Variants in RYR2 observed in about 807,000 individuals in gnomAD.
The protein encoded by RYR2 is ryanodine receptor 2, also known as cardiac muscle ryanodine receptor-calcium release channel.
Under a neutral mutation model 601.1 loss-of-function variants are expected in RYR2, and 227 were observed. The ratio of observed to expected loss-of-function variants is 0.38; its 90% CI spans 0.34 to 0.42. The LOEUF (loss-of-function observed/expected upper bound fraction) is 0.42, where lower values mean the gene tolerates loss of function less well. Ranked by LOEUF, RYR2 falls within the 10% of genes least tolerant of loss-of-function variation. The pLI is 1.00. For synonymous variants in RYR2, 2,223 were observed against 2,175.1 expected (o/e 1.02, Z -0.61); for missense variants, 4,646 against 6,156.5 (o/e 0.75, Z 8.21).
At chr1:237,236,788 G>A (rs939522884) in intron 1 of RYR2, among the ~76,000 whole-genome samples, 2 of 152,150 alleles carry the variant, frequency 1.3e-5, no homozygotes, top group African/African-American at 4.8e-5. Flanking sequence ...ATATCATGTT[G>A]AGGAATTATC....
chr1:237,057,416 A>C (rs2148208213), intron 1 of RYR2, among the ~76,000 whole-genome samples: 1 of 152,120 alleles, frequency 6.6e-6, no homozygotes, highest in South Asian at 2.1e-4. Context: ...CGATCTCCTG[A>C]CCTTGTGATC....
chr1:237,645,801 T>G (rs1682062211), intron 48 of RYR2, among the ~76,000 whole-genome samples: 1 of 152,160 alleles, frequency 6.6e-6, no homozygotes, highest in African/African-American at 2.4e-5. Context: ...TGTTTGTGAA[T>G]TTTGTATCAG....
chr1:237,668,013 T>C, intron 58 of RYR2, 55 bp downstream of exon 58: 1 of 1,363,362 alleles, frequency 7.3e-7, no homozygotes, highest in Non-Finnish European at 1.0e-6. Flanking sequence ...ATTCCATGAG[T>C]GTATGGATGA....
Position 237,783,790 on chromosome 1 carries a change from G to T in RYR2, c.12078G>T (p.Leu4026Phe). ...ACATGTTCTTAAAACTAAAGGATTTGACGTCGTCTGATACTTTTAAAGAAT... is the reference window on the plus strand; with the variant it reads ...ACATGTTCTTAAAACTAAAGGATTTTACGTCGTCTGATACTTTTAAAGAAT... Reference protein sequence around the residue: ...FFDMFLKLKDLTSSDTFKEYD... With the variant: ...FFDMFLKLKDFTSSDTFKEYD... The change falls in exon 90 of 105, where the codon TTG becomes TTT. Residue 4026 changes from leucine (L) to phenylalanine (F), a missense_variant. Leu to Phe is a conservative substitution (Grantham distance 22). Around this residue, in one of 17 missense-constraint regions of RYR2, gnomAD observed 66 missense variants for 80.7 expected, o/e 0.82. Transcript: ENST00000366574. The T allele has an allele frequency of 6.2e-7, 1 of 1,613,478 alleles. No homozygotes were observed. The highest frequency in any genetic ancestry group is 8.5e-7 in the Non-Finnish European group (1 of 1,179,682).
intron 1 of RYR2, among the ~76,000 whole-genome samples, chr1:237,176,242 G>GAAAAAA (rs143853577): frequency 1.4e-5 from 2 of 140,218 alleles, no homozygotes; most frequent in Non-Finnish European, 1.5e-5. Flanking sequence ...GTCTCTTAAT[G>GAAAAAA]AAAAAAATAT....
intron 1 of RYR2, among the ~76,000 whole-genome samples, chr1:237,125,719 A>T (rs1031383752): frequency 5.3e-5 from 8 of 152,264 alleles, no homozygotes; most frequent in Non-Finnish European, 1.2e-4. Flanking sequence ...ACAAACATGT[A>T]TCATAAAATA....
chr1:237,042,315 CCCCGCGCCTCGACCA>C lies in RYR2; in HGVS notation c.-198_-184del. ...TCCCGCACAGTGCGGAGCAGGGAGG[CCCCGCGCCTCGACCA>C]CCCGCGCCCGAGCGTCCGCGCCTCC... is the stretch of plus-strand genomic sequence containing the variant. On this transcript the variant is annotated 5_prime_UTR_variant, in exon 1 of 105. Coordinates refer to ENST00000366574, the MANE Select transcript of RYR2 (RefSeq NM_001035.3). 7.4e-6 allele frequency: 2 copies of C among 270,716 alleles called. No homozygotes were observed. The highest frequency in any genetic ancestry group is 1.3e-5 in the Non-Finnish European group (2 of 151,622). 16.8% of individuals were successfully genotyped at this position (270,716 alleles called of 1,614,324 possible).
At chr1:237,358,527 G>A (rs1699494526) in intron 4 of RYR2, among the ~76,000 whole-genome samples, 1 of 151,996 alleles carries the variant, frequency 6.6e-6, no homozygotes, top group African/African-American at 2.4e-5. Flanking sequence ...GTCTTTCGGG[G>A]AGCTTCTATC....
chr1:237,663,796 A>G (rs1254943953), intron 56 of RYR2, among the ~76,000 whole-genome samples: 3 of 152,242 alleles, frequency 2.0e-5, no homozygotes, highest in East Asian at 3.8e-4. Context: ...CATGAATACC[A>G]CAGGAAGACA....
At chr1:237,741,199 C>T (rs1378675750) in intron 79 of RYR2, among the ~76,000 whole-genome samples, 1 of 152,106 alleles carries the variant, frequency 6.6e-6, no homozygotes, top group African/African-American at 2.4e-5. Context: ...TCATGATAAA[C>T]AGAAAGGGTA....
intron 10 of RYR2, among the ~76,000 whole-genome samples, chr1:237,416,295 G>C (rs1704973414): frequency 6.6e-6 from 1 of 152,166 alleles, no homozygotes. Context: ...ACCCTATAGA[G>C]AGGAAGACAG....
chr1:237,174,400 C>A (rs1677779426), intron 1 of RYR2, among the ~76,000 whole-genome samples: 1 of 152,172 alleles, frequency 6.6e-6, no homozygotes, highest in Non-Finnish European at 1.5e-5. Context: ...TGTGCTAGAG[C>A]ATCATCCTTA....
intron 58 of RYR2, 75 bp from the exon 59 acceptor site, chr1:237,674,021 C>T: frequency 8.3e-7 from 1 of 1,198,514 alleles, no homozygotes; most frequent in Non-Finnish European, 1.2e-6. Context: ...TAGTGTGGTC[C>T]AATTATATAT....
At chr1:237,393,732 G>A (rs1702580952) in intron 10 of RYR2, among the ~76,000 whole-genome samples, 1 of 152,204 alleles carries the variant, frequency 6.6e-6, no homozygotes, top group South Asian at 2.1e-4. Context: ...GCTACTTTCT[G>A]CTCTTTGCCT....
At chr1:237,417,197 C>A in intron 11 of RYR2, 74 bp downstream of exon 11, 1 of 1,157,652 alleles carries the variant, frequency 8.6e-7, no homozygotes, top group Non-Finnish European at 1.3e-6. Flanking sequence ...TCTGTGTCAG[C>A]CTGTGATGCT....
Position 237,709,035 on chromosome 1 carries a change from C to A in RYR2, c.10079C>A (p.Thr3360Asn). The A allele has an allele frequency of 6.2e-7, 1 of 1,611,574 alleles. No homozygotes were observed. Among genetic ancestry groups the A allele is most frequent in the Non-Finnish European group, 8.5e-7 (1 of 1,177,946 alleles). ...EAELLILDEF[T>N]TLARDLYAFY... is the part of the protein sequence containing the mutation. ...GAACTCCTCATCCTAGATGAGTTCA[C>A]CACACTGGCCAGAGATCTCTATGCC... Residue 3360 changes from threonine (T) to asparagine (N), a missense_variant, in exon 69 of 105, where the codon ACC (threonine) becomes AAC (asparagine). By Grantham distance (65) the Thr-to-Asn change is moderately conservative (BLOSUM62 0). Coordinates refer to ENST00000366574, the MANE Select transcript of RYR2 (RefSeq NM_001035.3).
In RYR2 at chr1:237,407,895, C is replaced by T. The variant is rs1340605856; in HGVS notation, c.774-9154C>T. ...CCTCCCAAAGTGCTGGGATTACAGG[C>T]GTGAGCCACTGCGCCTGGCCAAATT... On this transcript the variant is annotated intron_variant, in intron 10 of 104. Coordinates refer to ENST00000366574, the MANE Select transcript of RYR2 (RefSeq NM_001035.3). Among the ~76,000 whole-genome samples the T allele has an allele frequency of 2.6e-5, 4 of 152,106 alleles. No individual in the cohort carries two copies. The South Asian group carries it at 6.2e-4, about 24-fold the overall frequency.
At chr1:237,525,575 C>T (rs2147895617) in intron 24 of RYR2, among the ~76,000 whole-genome samples, 1 of 152,054 alleles carries the variant, frequency 6.6e-6, no homozygotes, top group Admixed American at 6.6e-5. Flanking sequence ...CACAGCCTCC[C>T]AAGTAGCTGG....
chr1:237,384,435 T>C (rs1558727000), intron 8 of RYR2, among the ~76,000 whole-genome samples: 2 of 152,238 alleles, frequency 1.3e-5, no homozygotes, highest in African/African-American at 4.8e-5. Flanking sequence ...GGCTGTAATG[T>C]ATGTCCCCGT....
Sources: allele counts gnomAD v4.1 joint callset (sites outside exome capture counted in the v4.1 genomes callset), GRCh38; gene constraint gnomAD v4.1.1; regional missense constraint gnomAD v4.1.1; transcripts MANE v1.5; gene names NCBI Gene and HGNC (gene_info 2026-07-23, HGNC 2026-07-21).